AGBL1: variants seen among roughly 807,000 people sequenced by gnomAD.
AGBL1 encodes cytosolic carboxypeptidase 4.
Under a neutral mutation model 118.9 loss-of-function variants are expected in AGBL1, and 130 were observed. That is an observed-to-expected ratio of 1.09 (90% CI 0.95 to 1.26). The LOEUF is 1.26. Ranked by LOEUF, AGBL1 falls within the 50% of genes most tolerant of loss-of-function variation. The probability of loss-of-function intolerance (pLI) is 0.00; values close to 1 mark genes in which losing one functional copy is unlikely to be tolerated. For synonymous variants in AGBL1, 555 were observed against 478.9 expected (o/e 1.16, Z -2.08); for missense variants, 1,584 against 1,298.1 (o/e 1.22, Z -3.38).
chr15:86,324,841 G>A (rs1486492569), intron 17 of AGBL1, among the ~76,000 whole-genome samples: 2 of 152,160 alleles, frequency 1.3e-5, no homozygotes, highest in African/African-American at 4.8e-5. Flanking sequence ...AAGTGGGGCC[G>A]AGTTTGGGGA....
At chr15:86,179,856 A>T (rs2077528935) in intron 5 of AGBL1, among the ~76,000 whole-genome samples, 1 of 152,182 alleles carries the variant, frequency 6.6e-6, no homozygotes, top group South Asian at 2.1e-4. Context: ...AGGTTCCAGG[A>T]TGCAAGATCA....
intron 21 of AGBL1, among the ~76,000 whole-genome samples, chr15:86,570,427 A>G (rs1226303801): frequency 1.3e-5 from 2 of 152,232 alleles, no homozygotes; most frequent in Admixed American, 1.3e-4. Context: ...GTGCAAAGAC[A>G]TTTACAGCTG....
At chr15:86,900,294 T>C (rs993178121) in intron 22 of AGBL1, among the ~76,000 whole-genome samples, 3 of 152,178 alleles carry the variant, frequency 2.0e-5, no homozygotes, top group African/African-American at 4.8e-5. Flanking sequence ...CCATCTATCC[T>C]ATTAGTTCTG....
intron 4 of AGBL1, among the ~76,000 whole-genome samples, chr15:86,157,235 C>T (rs1216045461): frequency 6.6e-6 from 1 of 152,074 alleles, no homozygotes; most frequent in East Asian, 1.9e-4. Flanking sequence ...CGTATATTGA[C>T]CTGAACACCA....
intron 1 of AGBL1, among the ~76,000 whole-genome samples, chr15:86,102,303 A>G (rs563848848): frequency 8.0e-4 from 122 of 152,070 alleles, no homozygotes; most frequent in Middle Eastern, 6.8e-3. Context: ...GGCCTCCCCA[A>G]TTGCTGGGAT....
chr15:86,301,150 G>A (rs542543140), intron 17 of AGBL1, among the ~76,000 whole-genome samples: 3 of 152,234 alleles, frequency 2.0e-5, no homozygotes, highest in East Asian at 1.9e-4. Flanking sequence ...AAACTCAGGC[G>A]AACTGCAAAA....
chr15:86,650,696 CA>C (rs2085354543), intron 21 of AGBL1, among the ~76,000 whole-genome samples: 2 of 152,272 alleles, frequency 1.3e-5, no homozygotes, highest in South Asian at 4.1e-4. Flanking sequence ...CTGTAAAGTA[CA>C]TATTTGTGAT....
intron 18 of AGBL1, among the ~76,000 whole-genome samples, chr15:86,430,590 G>A (rs1208932967): frequency 6.6e-6 from 1 of 151,592 alleles, no homozygotes. Context: ...ATCCTCAAAA[G>A]CACACATCAA....
chr15:86,532,778 A>G (rs1257853971), intron 19 of AGBL1, among the ~76,000 whole-genome samples: 13 of 140,846 alleles, frequency 9.2e-5, no homozygotes, highest in African/African-American at 3.5e-4. Flanking sequence ...GATCAATGGA[A>G]CAGAACAGAG....
chr15:86,157,790 A>G lies in AGBL1; in HGVS notation c.395-1143A>G, dbSNP rs756313643. On this transcript the variant is annotated intron_variant, in intron 4 of 22. Transcript: ENST00000614907. ...GAACCCTAATGGGTCTGTGAGAGCC[A>G]ATGAACCCTTTGGAAGTTCTCAGAT... Among the ~76,000 whole-genome samples, 8 of 152,162 alleles carry G rather than the reference A, an allele frequency of 5.3e-5. 1 individual carries two copies. Among genetic ancestry groups the G allele is most frequent in the Non-Finnish European group, 7.4e-5 (5 of 68,020 alleles).
intron 22 of AGBL1, among the ~76,000 whole-genome samples, chr15:86,710,582 A>G (rs1369549511): frequency 1.3e-5 from 2 of 152,182 alleles, no homozygotes; most frequent in East Asian, 3.9e-4. Flanking sequence ...TTAAAATTAA[A>G]TTGCTATTGG....
intron 21 of AGBL1, among the ~76,000 whole-genome samples, chr15:86,604,386 A>G (rs937900916): frequency 6.6e-6 from 1 of 152,194 alleles, no homozygotes; most frequent in Non-Finnish European, 1.5e-5. Flanking sequence ...GGTTCAAAGA[A>G]AGCTAAATTT....
chr15:86,784,834 T>G lies in AGBL1; in HGVS notation c.3158+110398T>G, dbSNP rs552031967. Among the ~76,000 whole-genome samples the G allele has an allele frequency of 3.3e-5, 5 of 152,282 alleles. No individual in the cohort carries two copies. The East Asian group carries it at 9.7e-4, about 29-fold the overall frequency. On this transcript the variant is annotated intron_variant, in intron 22 of 22. Coordinates refer to ENST00000614907, the MANE Select transcript of AGBL1 (RefSeq NM_001386094.1). ...TAGGTTCTTTCTAGTTTATAGCTCA[T>G]TGGTGAAATGGAGTTTGACGTCATT...
intron 18 of AGBL1, among the ~76,000 whole-genome samples, chr15:86,467,369 C>G (rs2082420830): frequency 1.3e-5 from 2 of 152,232 alleles, no homozygotes; most frequent in Admixed American, 1.3e-4. Flanking sequence ...GCTGTGCTGG[C>G]AGCAAGAATT....
chr15:86,089,248 A>C (rs1008304029), intron 1 of AGBL1, among the ~76,000 whole-genome samples: 1 of 152,128 alleles, frequency 6.6e-6, no homozygotes, highest in Non-Finnish European at 1.5e-5. Flanking sequence ...GCATGTTATA[A>C]CTGTTCTGAT....
At position 86,089,698 on chromosome 15, in the gene AGBL1, C is replaced by T. The variant is rs117518489; in HGVS notation, c.51+9675C>T. Among the ~76,000 whole-genome samples the T allele has an allele frequency of 1.5e-3, 225 of 152,184 alleles. 2 individuals carry two copies. Among genetic ancestry groups the T allele is most frequent in the Middle Eastern group, 3.4e-3 (1 of 294 alleles). ...TTTCTAATCTCCAGATCCCACCAAT[C>T]GGTGCTAGCTCAATGCCCTACAGTT... On this transcript the variant is annotated intron_variant, in intron 1 of 22. Transcript: ENST00000614907.
intron 22 of AGBL1, among the ~76,000 whole-genome samples, chr15:86,682,586 C>G (rs2085980464): frequency 6.6e-6 from 1 of 151,978 alleles, no homozygotes; most frequent in African/African-American, 2.4e-5. Context: ...TTACAGCTTA[C>G]AGAATATTAC....
chr15:86,495,242 A>G (rs1178452657), intron 18 of AGBL1, among the ~76,000 whole-genome samples: 5 of 151,582 alleles, frequency 3.3e-5, no homozygotes, highest in Admixed American at 3.3e-4. Flanking sequence ...AGAAATTTTT[A>G]TTAAATTCTT....
chr15:86,577,264 G>A lies in AGBL1; in HGVS notation c.2994+22727G>A, dbSNP rs188463258. Among the ~76,000 whole-genome samples, 238 of 152,194 alleles carry A rather than the reference G, an allele frequency of 1.6e-3. 1 individual carries two copies. Among genetic ancestry groups the A allele is most frequent in the African/African-American group, 5.1e-3 (211 of 41,522 alleles). On this transcript the variant is annotated intron_variant, in intron 21 of 22. Coordinates refer to ENST00000614907, the MANE Select transcript of AGBL1 (RefSeq NM_001386094.1). ...AAAGTGACTCTTGTTATGTTTTAGCGAAGAGACTGGTGGCATTTTTCCCCT... is the reference window on the plus strand; with the variant it reads ...AAAGTGACTCTTGTTATGTTTTAGCAAAGAGACTGGTGGCATTTTTCCCCT...
Sources: gnomAD v4.1 joint callset for allele counts (sites outside exome capture counted in the v4.1 genomes callset) on GRCh38, gnomAD v4.1.1 for gene constraint, MANE v1.5 for transcripts, NCBI Gene and HGNC (gene_info 2026-07-23, HGNC 2026-07-21) for gene names.